NTNG1: variants seen among roughly 807,000 people sequenced by gnomAD.
NTNG1 encodes netrin G1, also known as netrin-G1.
In NTNG1, 16 loss-of-function variants were observed where a neutral mutation model predicts 54.0. The observed-to-expected ratio is 0.30, with a 90% CI of 0.20 to 0.45. The LOEUF (loss-of-function observed/expected upper bound fraction) is 0.45, where lower values mean the gene tolerates loss of function less well. NTNG1 is among the 20% of genes least tolerant of loss of function. NTNG1 has a pLI of 1.00. For missense variants in NTNG1, 530 were observed against 678.7 expected, an observed-to-expected ratio of 0.78 and a Z score of 2.43; for synonymous variants, 255 against 263.1, an observed-to-expected ratio of 0.97 and a Z score of 0.30.
chr1:107,173,351 T>C (rs1470709908), intron 2 of NTNG1, among the ~76,000 whole-genome samples: 1 of 152,172 alleles, frequency 6.6e-6, no homozygotes, highest in East Asian at 1.9e-4. Flanking sequence ...GAAATAACCA[T>C]TTCAAAGCCC....
chr1:107,365,681 G>A (rs28730388), intron 3 of NTNG1, among the ~76,000 whole-genome samples: 5,762 of 152,114 alleles, frequency 0.038, 196 homozygotes, highest in East Asian at 0.17. Context: ...TATGCCACTT[G>A]GCATGAGATA....
intron 3 of NTNG1, among the ~76,000 whole-genome samples, chr1:107,371,338 C>T (rs1670911200): frequency 6.6e-6 from 1 of 151,830 alleles, no homozygotes; most frequent in Non-Finnish European, 1.5e-5. Flanking sequence ...ATGTATTATC[C>T]TTTTTATATA....
At chr1:107,229,565 T>C (rs143290194) in intron 2 of NTNG1, among the ~76,000 whole-genome samples, 11 of 152,038 alleles carry the variant, frequency 7.2e-5, no homozygotes, top group South Asian at 2.1e-4. Context: ...GGTTCTGCTC[T>C]GAAAAGAGAA....
intron 2 of NTNG1, among the ~76,000 whole-genome samples, chr1:107,227,731 C>G (rs1450642723): frequency 1.3e-5 from 2 of 151,932 alleles, no homozygotes; most frequent in Non-Finnish European, 1.5e-5. Context: ...TAGACAGACA[C>G]ATGGAGTTAT....
chr1:107,385,966 T>C (rs1671944037), intron 3 of NTNG1, among the ~76,000 whole-genome samples: 1 of 150,952 alleles, frequency 6.6e-6, no homozygotes, highest in South Asian at 2.1e-4. Context: ...TCACTCCCCA[T>C]GTGCCCCTCG....
At chr1:107,247,743 A>G (rs1199268487) in intron 2 of NTNG1, among the ~76,000 whole-genome samples, 1 of 152,158 alleles carries the variant, frequency 6.6e-6, no homozygotes, top group African/African-American at 2.4e-5. Context: ...TCTTATAAAA[A>G]ACAAAAACAA....
chr1:107,329,829 A>G (rs1668177179), intron 3 of NTNG1, among the ~76,000 whole-genome samples: 1 of 152,090 alleles, frequency 6.6e-6, no homozygotes, highest in African/African-American at 2.4e-5. Context: ...TAGACAGACG[A>G]AGATGCACCA....
At chr1:107,150,809 A>G (rs1654512761) in intron 2 of NTNG1, among the ~76,000 whole-genome samples, 1 of 152,194 alleles carries the variant, frequency 6.6e-6, no homozygotes, top group Admixed American at 6.5e-5. Flanking sequence ...GGATCTTCCC[A>G]TGCCTGCCTT....
chr1:107,290,011 T>A (rs1665479314), intron 2 of NTNG1, among the ~76,000 whole-genome samples: 1 of 152,192 alleles, frequency 6.6e-6, no homozygotes, highest in Non-Finnish European at 1.5e-5. Flanking sequence ...GAAAAAACCA[T>A]CCTTGACATT....
chr1:107,432,951 T>G (rs1006912981), intron 6 of NTNG1, among the ~76,000 whole-genome samples: 1 of 152,188 alleles, frequency 6.6e-6, no homozygotes, highest in Admixed American at 6.5e-5. Flanking sequence ...TATAGTTCAG[T>G]TGTAAATCCA....
At chr1:107,334,418 A>G (rs899917716) in intron 3 of NTNG1, among the ~76,000 whole-genome samples, 3 of 151,736 alleles carry the variant, frequency 2.0e-5, no homozygotes, top group Admixed American at 1.3e-4. Flanking sequence ...GTAATTATAG[A>G]TACTCCAGTG....
At chr1:107,480,588 C>CCCCAAA in intron 7 of NTNG1, 23 bp from the exon 8 acceptor site, 1 of 1,119,760 alleles carries the variant, frequency 8.9e-7, no homozygotes, top group Non-Finnish European at 1.3e-6. Flanking sequence ...CCACCCACCC[C>CCCCAAA]TACCTTCCCC....
chr1:107,213,703 C>G (rs1245428300), intron 2 of NTNG1, among the ~76,000 whole-genome samples: 1 of 152,080 alleles, frequency 6.6e-6, no homozygotes, highest in Non-Finnish European at 1.5e-5. Flanking sequence ...GGCTATATGT[C>G]TTTGTTCTTT....
intron 3 of NTNG1, among the ~76,000 whole-genome samples, chr1:107,355,578 T>G (rs1669889222): frequency 1.3e-5 from 2 of 152,132 alleles, no homozygotes; most frequent in African/African-American, 4.8e-5. Flanking sequence ...GAGATATTTG[T>G]TCATTTTTAA....
chr1:107,468,572 T>G (rs1196560089), intron 7 of NTNG1, among the ~76,000 whole-genome samples: 2 of 152,222 alleles, frequency 1.3e-5, no homozygotes, highest in African/African-American at 4.8e-5. Context: ...ATCCTTTTAC[T>G]TGAGTTCTTC....
intron 2 of NTNG1, among the ~76,000 whole-genome samples, chr1:107,206,009 T>C (rs1383338241): frequency 1.3e-5 from 2 of 152,188 alleles, no homozygotes; most frequent in African/African-American, 4.8e-5. Flanking sequence ...TGTGACAATT[T>C]ATCTGTCCAT....
At chr1:107,311,894 C>A (rs931619744) in intron 2 of NTNG1, among the ~76,000 whole-genome samples, 9 of 152,108 alleles carry the variant, frequency 5.9e-5, no homozygotes, top group Non-Finnish European at 1.0e-4. Context: ...GGTGTGAACA[C>A]CACAAGTGAG....
chr1:107,470,411 T>C (rs1222666399), intron 7 of NTNG1, among the ~76,000 whole-genome samples: 1 of 152,166 alleles, frequency 6.6e-6, no homozygotes, highest in Admixed American at 6.5e-5. Context: ...TTACTAAAGT[T>C]TATTGCACTC....
intron 3 of NTNG1, among the ~76,000 whole-genome samples, chr1:107,391,377 C>T (rs952392365): frequency 6.6e-6 from 1 of 152,034 alleles, no homozygotes; most frequent in African/African-American, 2.4e-5. Flanking sequence ...GCCTGGAGCA[C>T]AAAATTCTGT....
Sources: gnomAD v4.1 joint callset for allele counts (sites outside exome capture counted in the v4.1 genomes callset) on GRCh38, gnomAD v4.1.1 for gene constraint, MANE v1.5 for transcripts, NCBI Gene and HGNC (gene_info 2026-07-23, HGNC 2026-07-21) for gene names.